The following ASCC3 variants were observed in gnomAD, a reference collection of about 807,000 sequenced individuals.
ASCC3 encodes activating signal cointegrator 1 complex subunit 3, also known as ASC-1 complex subunit P200.
In ASCC3, 158 loss-of-function variants were observed where a neutral mutation model predicts 256.3. That is an observed-to-expected ratio of 0.62 (90% CI 0.54 to 0.70). ASCC3 has a LOEUF of 0.70. ASCC3 is among the 30% of genes least tolerant of loss of function. The pLI, the probability that ASCC3 is intolerant of heterozygous loss-of-function variation, is 0.00. For synonymous variants in ASCC3, 948 were observed against 883.4 expected, an observed-to-expected ratio of 1.07 and a Z score of -1.30; for missense variants, 2,259 against 2,626.0, an observed-to-expected ratio of 0.86 and a Z score of 3.05.
At chr6:100,790,240 G>C (rs1179281066) in intron 8 of ASCC3, among the ~76,000 whole-genome samples, 1 of 151,930 alleles carries the variant, frequency 6.6e-6, no homozygotes, top group Non-Finnish European at 1.5e-5. Flanking sequence ...GTCTGAAAAG[G>C]AAACTGAAAC....
intron 11 of ASCC3, among the ~76,000 whole-genome samples, chr6:100,724,148 C>CAAAAAAAAAAAAAAA (rs574759618): frequency 1.6e-5 from 2 of 126,348 alleles, no homozygotes; most frequent in East Asian, 2.5e-4. Flanking sequence ...TACAAAAAAA[C>CAAAAAAAAAAAAAAA]AAAAAAAAAA....
Position 100,585,279 on chromosome 6 carries a change from C to T in ASCC3, c.5550+4355G>A, listed in dbSNP as rs542539140. 1.5e-4 allele frequency among the ~76,000 whole-genome samples: 23 copies of T among 152,228 alleles called. No homozygotes were observed. In the South Asian group the frequency reaches 4.4e-3, roughly 29 times the overall value. ...TATTTCTTGGAGGCTTTGTTCGTTT[C>T]TTTTTATTCTTTTTTCTCTAAACTT... On this transcript the variant is annotated intron_variant, in intron 36 of 41. Transcript: ENST00000369162.
intron 10 of ASCC3, among the ~76,000 whole-genome samples, chr6:100,764,793 C>T (rs146568562): frequency 0.015 from 2,302 of 152,196 alleles, 22 homozygotes; most frequent in Non-Finnish European, 0.022. Flanking sequence ...ACTACAATTA[C>T]TTGTGGACTA....
At chr6:100,691,714 T>C (rs1276838495) in intron 13 of ASCC3, among the ~76,000 whole-genome samples, 1 of 151,976 alleles carries the variant, frequency 6.6e-6, no homozygotes, top group African/African-American at 2.4e-5. Context: ...TCAATTGTTT[T>C]TGTTTTAGAA....
rs149652373 is a variant in ASCC3 at position 100,590,786 on chromosome 6, G to T, written c.5304-727C>A. ...AAAGCCACAACTTGAGAGCAATAGA[G>T]AACACTATCTAGATGACAATTTTTG... On this transcript the variant is annotated intron_variant, in intron 34 of 41. Coordinates refer to ENST00000369162, the MANE Select transcript of ASCC3 (RefSeq NM_006828.4). Among the ~76,000 whole-genome samples the T allele has an allele frequency of 3.0e-3, 457 of 152,160 alleles. 3 individuals carry two copies. Among genetic ancestry groups the T allele is most frequent in the Middle Eastern group, 0.017 (5 of 294 alleles).
At chr6:100,518,218 C>T in intron 37 of ASCC3, 76 bp from the exon 38 acceptor site, 1 of 1,521,000 alleles carries the variant, frequency 6.6e-7, no homozygotes. Flanking sequence ...CTGATGTTAG[C>T]TTTAACAAAA....
At chr6:100,521,929 C>T (rs1774332501) in intron 37 of ASCC3, among the ~76,000 whole-genome samples, 1 of 152,164 alleles carries the variant, frequency 6.6e-6, no homozygotes, top group South Asian at 2.1e-4. Flanking sequence ...ATATGCTCCT[C>T]CCCAGACTGG....
At chr6:100,697,207 C>A in intron 13 of ASCC3, among the ~76,000 whole-genome samples, 1 of 150,668 alleles carries the variant, frequency 6.6e-6, no homozygotes, top group Non-Finnish European at 1.5e-5. Flanking sequence ...AGGTGTGAAA[C>A]AAAACAAGAT....
At chr6:100,831,292 C>G (rs934844363) in intron 4 of ASCC3, among the ~76,000 whole-genome samples, 3 of 144,288 alleles carry the variant, frequency 2.1e-5, no homozygotes, top group African/African-American at 7.7e-5. Flanking sequence ...AAAGATGGCA[C>G]AAAATTCATA....
intron 1 of ASCC3, among the ~76,000 whole-genome samples, chr6:100,869,818 C>T (rs1400386885): frequency 6.6e-6 from 1 of 152,078 alleles, no homozygotes; most frequent in Non-Finnish European, 1.5e-5. Flanking sequence ...TAAGATCTTC[C>T]TGCAAACAAC....
At chr6:100,860,275 G>T (rs926423294) in intron 3 of ASCC3, among the ~76,000 whole-genome samples, 4 of 151,770 alleles carry the variant, frequency 2.6e-5, no homozygotes, top group Non-Finnish European at 5.9e-5. Flanking sequence ...TGCCTACAAT[G>T]AGTATTTGAA....
chr6:100,834,490 T>A (rs907089245), intron 4 of ASCC3, among the ~76,000 whole-genome samples: 7 of 152,092 alleles, frequency 4.6e-5, no homozygotes, highest in African/African-American at 1.4e-4. Context: ...AAGGAACACA[T>A]GCTGTATGAT....
At chr6:100,851,834 G>C (rs569697443) in intron 3 of ASCC3, among the ~76,000 whole-genome samples, 4 of 152,044 alleles carry the variant, frequency 2.6e-5, no homozygotes, top group Non-Finnish European at 5.9e-5. Context: ...TAATGACTAC[G>C]GCATTCTGAA....
intron 8 of ASCC3, among the ~76,000 whole-genome samples, chr6:100,768,549 G>A (rs953682338): frequency 3.3e-5 from 5 of 152,116 alleles, no homozygotes; most frequent in Non-Finnish European, 7.4e-5. Flanking sequence ...CTAAACATTT[G>A]TATACCTAAT....
chr6:100,600,205 GCA>G (rs56886686), intron 34 of ASCC3, among the ~76,000 whole-genome samples: 8,292 of 145,606 alleles, frequency 0.057, 351 homozygotes, highest in African/African-American at 0.12. Flanking sequence ...ACATGCACAT[GCA>G]CACACACACA....
At chr6:100,644,652 C>G (rs935865071) in intron 22 of ASCC3, among the ~76,000 whole-genome samples, 9 of 152,160 alleles carry the variant, frequency 5.9e-5, no homozygotes, top group African/African-American at 2.2e-4. Flanking sequence ...GTTCAGCAAG[C>G]ATCTCTCCCT....
At chr6:100,673,243 T>C (rs529245648) in intron 14 of ASCC3, among the ~76,000 whole-genome samples, 1 of 152,190 alleles carries the variant, frequency 6.6e-6, no homozygotes, top group South Asian at 2.1e-4. Context: ...CAATTGGCCA[T>C]CTGTAAATAA....
intron 18 of ASCC3, 132 bp downstream of exon 18, chr6:100,652,593 T>C: frequency 2.1e-6 from 2 of 950,736 alleles, no homozygotes; most frequent in Non-Finnish European, 3.2e-6. Context: ...ACTGAGGGTA[T>C]ACTGTTGAAT....
chr6:100,650,671 T>C lies in ASCC3; in HGVS notation c.3119A>G (p.Asn1040Ser). ...TCCAGGAGTGGAGAGTTCACAAAAA[T>C]TGCTTAATAAGGTATCTAACTCCTC... ...EIEELDTLLS[N>S]FCELSTPGGV... The change falls in exon 20 of 42, where the codon AAT becomes AGT. Residue 1040 changes from asparagine to serine, a missense_variant. By Grantham distance (46) the Asn-to-Ser change is conservative. Transcript: ENST00000369162. 1.2e-6 allele frequency: 2 copies of C among 1,612,302 alleles called. No homozygotes were observed. The highest frequency in any genetic ancestry group is 1.7e-6 in the Non-Finnish European group (2 of 1,178,740).
Sources: allele counts gnomAD v4.1 joint callset (sites outside exome capture counted in the v4.1 genomes callset), GRCh38; gene constraint gnomAD v4.1.1; transcripts MANE v1.5; gene names NCBI Gene and HGNC (gene_info 2026-07-23, HGNC 2026-07-21).